RGS6: variants seen among roughly 807,000 people sequenced by gnomAD.
RGS6 encodes regulator of G-protein signaling 6.
Under a neutral mutation model 78.5 loss-of-function variants are expected in RGS6, and 30 were observed. The observed-to-expected ratio is 0.38, with a 90% confidence interval of 0.29 to 0.52. The LOEUF (loss-of-function observed/expected upper bound fraction) is 0.52. Among genes scored for constraint, RGS6 ranks in the 20% least tolerant of loss-of-function variants. The pLI, the probability that RGS6 is intolerant of heterozygous loss-of-function variation, is 0.85. For synonymous variants in RGS6, 206 were observed against 206.0 expected (o/e 1.00, Z 0.00); for missense variants, 495 against 609.7 (o/e 0.81, Z 1.98).
intron 2 of RGS6, among the ~76,000 whole-genome samples, chr14:72,213,676 G>A (rs1056194288): frequency 3.3e-5 from 5 of 152,012 alleles, no homozygotes; most frequent in East Asian, 1.9e-4. Context: ...ATCATCCCAC[G>A]TGTGCATCCC....
chr14:72,588,846 T>A, the RGS6 span, among the ~76,000 whole-genome samples: 1 of 151,896 alleles, frequency 6.6e-6, no homozygotes, highest in African/African-American at 2.4e-5. Flanking sequence ...AAGAAAGGAG[T>A]GTGCAGGAGA....
the RGS6 span, among the ~76,000 whole-genome samples, chr14:72,624,277 C>T: frequency 6.7e-6 from 1 of 150,266 alleles, no homozygotes; most frequent in Non-Finnish European, 1.5e-5. Context: ...TGGTGTAATA[C>T]TGTTAACTAA....
intron 2 of RGS6, among the ~76,000 whole-genome samples, chr14:72,155,705 C>T (rs17768871): frequency 0.06 from 9,157 of 152,252 alleles, 277 homozygotes; most frequent in Non-Finnish European, 0.073. Context: ...AAGCTCTGAC[C>T]CACTTTTAAC....
At position 72,019,090 on chromosome 14, in the gene RGS6, G is replaced by C. The variant is rs145052747; in HGVS notation, c.84+54215G>C. 3.0e-3 allele frequency among the ~76,000 whole-genome samples: 456 copies of C among 152,238 alleles called. 17 individuals are homozygous for C. Among genetic ancestry groups the C allele is most frequent in the Admixed American group, 0.023 (359 of 15,284 alleles). On this transcript the variant is annotated intron_variant, in intron 2 of 17. Transcript: ENST00000553525. ...CCTAACCATGAGCCAGGCAGCACGT[G>C]AAGTCCTTTGATATTAGCTCATGCC...
chr14:71,931,243 G>T (rs2087835788), upstream of RGS6, among the ~76,000 whole-genome samples: 1 of 152,110 alleles, frequency 6.6e-6, no homozygotes, highest in African/African-American at 2.4e-5. Context: ...CTTGGTTGCA[G>T]GTTTCCCCCC....
intron 2 of RGS6, among the ~76,000 whole-genome samples, chr14:72,287,467 A>AT (rs1555615830): frequency 1.5e-4 from 22 of 151,682 alleles, no homozygotes; most frequent in African/African-American, 4.8e-4. Context: ...ATTTTTATTT[A>AT]TTTTTTTGAG....
At chr14:72,084,847 C>T (rs771147653) in intron 2 of RGS6, among the ~76,000 whole-genome samples, 9 of 152,010 alleles carry the variant, frequency 5.9e-5, no homozygotes, top group African/African-American at 9.7e-5. Flanking sequence ...TCCTGAAGAG[C>T]GAGTTGTTCT....
At chr14:72,158,617 T>C (rs551447776) in intron 2 of RGS6, among the ~76,000 whole-genome samples, 21 of 152,332 alleles carry the variant, frequency 1.4e-4, no homozygotes, top group African/African-American at 4.8e-4. Context: ...TCCTGGTACC[T>C]GTTATATCAT....
intron 2 of RGS6, among the ~76,000 whole-genome samples, chr14:72,335,755 T>C (rs979745583): frequency 1.3e-5 from 2 of 152,252 alleles, no homozygotes; most frequent in Non-Finnish European, 2.9e-5. Context: ...GTTTTAAGAA[T>C]GTTTACAAAC....
chr14:72,443,916 G>C (rs757734741), intron 3 of RGS6, among the ~76,000 whole-genome samples: 1 of 152,200 alleles, frequency 6.6e-6, no homozygotes, highest in Non-Finnish European at 1.5e-5. Context: ...GATGTCCACA[G>C]TGGCAACGAT....
the RGS6 span, among the ~76,000 whole-genome samples, chr14:71,924,079 A>G: frequency 6.6e-6 from 1 of 152,030 alleles, no homozygotes; most frequent in Admixed American, 6.6e-5. Flanking sequence ...GTGCCTTGCT[A>G]TGTTGCCCAG....
At chr14:72,122,354 A>AT (rs2096071255) in intron 2 of RGS6, among the ~76,000 whole-genome samples, 1 of 152,138 alleles carries the variant, frequency 6.6e-6, no homozygotes, top group Admixed American at 6.5e-5. Flanking sequence ...AGCCATAGTA[A>AT]TAGTAGCCCT....
intron 1 of RGS6, among the ~76,000 whole-genome samples, chr14:71,948,766 T>TTTTTTTTTTTA (rs1566890462): frequency 7.5e-6 from 1 of 133,992 alleles, no homozygotes; most frequent in South Asian, 2.4e-4. Flanking sequence ...TTTTTTTTTT[T>TTTTTTTTTTTA]AAAGAGATGA....
At chr14:72,623,332 A>G in the RGS6 span, among the ~76,000 whole-genome samples, 4 of 152,256 alleles carry the variant, frequency 2.6e-5, no homozygotes, top group Admixed American at 2.6e-4. Context: ...AAAACAAAAG[A>G]AAAATGAGGC....
At chr14:72,057,500 G>T (rs1001852524) in intron 2 of RGS6, among the ~76,000 whole-genome samples, 1 of 151,918 alleles carries the variant, frequency 6.6e-6, no homozygotes, top group African/African-American at 2.4e-5. Context: ...TGCTCCAGGA[G>T]AGCCACTGGT....
chr14:71,937,562 T>A (rs892797767), intron 1 of RGS6, among the ~76,000 whole-genome samples: 4 of 152,150 alleles, frequency 2.6e-5, no homozygotes, highest in Non-Finnish European at 5.9e-5. Flanking sequence ...ATTCCACCAT[T>A]CTATCAATAT....
At chr14:72,415,732 A>G (rs1303720114) in intron 3 of RGS6, among the ~76,000 whole-genome samples, 1 of 152,242 alleles carries the variant, frequency 6.6e-6, no homozygotes, top group East Asian at 1.9e-4. Flanking sequence ...AACATTGGCC[A>G]TTAGTGTTAC....
intron 13 of RGS6, among the ~76,000 whole-genome samples, chr14:72,496,495 G>GT: frequency 6.6e-6 from 1 of 152,338 alleles, no homozygotes; most frequent in Admixed American, 6.5e-5. Flanking sequence ...AATAGGGACG[G>GT]TAAGTTCCAA....
intron 1 of RGS6, among the ~76,000 whole-genome samples, chr14:71,942,088 A>G (rs1412985082): frequency 1.3e-5 from 2 of 152,182 alleles, no homozygotes; most frequent in Non-Finnish European, 2.9e-5. Context: ...AGTCAAGACA[A>G]AAGAATAATC....
Sources: gnomAD v4.1 joint callset for allele counts (sites outside exome capture counted in the v4.1 genomes callset) on GRCh38, gnomAD v4.1.1 for gene constraint, MANE v1.5 for transcripts, NCBI Gene and HGNC (gene_info 2026-07-23, HGNC 2026-07-21) for gene names.